The following PITPNA variants were observed in gnomAD, a reference collection of about 807,000 sequenced individuals.
PITPNA encodes the protein phosphatidylinositol transfer protein alpha, also known as phosphatidylinositol transfer protein alpha isoform.
In PITPNA, 13 loss-of-function variants were observed where a neutral mutation model predicts 50.3. The ratio of observed to expected loss-of-function variants is 0.26; its 90% CI spans 0.17 to 0.41. The LOEUF (loss-of-function observed/expected upper bound fraction) is 0.41. Among genes scored for constraint, PITPNA ranks in the 10% least tolerant of loss-of-function variants. The pLI is 1.00. For missense variants in PITPNA, 207 were observed against 333.4 expected (o/e 0.62, Z 2.95); for synonymous variants, 120 against 119.6 (o/e 1.00, Z -0.02).
chr17:1,533,249 G>T (rs1161116039), intron 10 of PITPNA, among the ~76,000 whole-genome samples: 2 of 152,120 alleles, frequency 1.3e-5, no homozygotes, highest in African/African-American at 4.8e-5. Flanking sequence ...TTAGAGGGAG[G>T]AGTACAGGGG....
At chr17:1,527,930 C>T (rs1314080379) in intron 10 of PITPNA, among the ~76,000 whole-genome samples, 2 of 152,192 alleles carry the variant, frequency 1.3e-5, no homozygotes, top group Non-Finnish European at 2.9e-5. Flanking sequence ...GCCTACAATC[C>T]CAACACTTCG....
At chr17:1,533,797 C>G (rs1283724407) in intron 10 of PITPNA, among the ~76,000 whole-genome samples, 1 of 152,198 alleles carries the variant, frequency 6.6e-6, no homozygotes, top group Non-Finnish European at 1.5e-5. Flanking sequence ...GCCCCGCACG[C>G]TCTTTCCCAC....
intron 7 of PITPNA, 50 bp from the exon 8 acceptor site, chr17:1,535,568 A>C (rs757051546): frequency 9.2e-7 from 1 of 1,086,612 alleles, no homozygotes; most frequent in East Asian, 2.4e-5. Flanking sequence ...AGAGGGAGTG[A>C]GAGATGGGGA....
chr17:1,548,295 C>T lies in PITPNA; in HGVS notation c.289+1G>A. 6.2e-7 allele frequency: 1 copy of T among 1,603,128 alleles called. No homozygotes were observed. Among genetic ancestry groups the T allele is most frequent in the Non-Finnish European group, 8.5e-7 (1 of 1,174,418 alleles). ...GCCGACGTGGCCCCGGCTGCACTCA[C>T]CGGTTCTGCAGTAGGGGTAAGCATT... On this transcript the variant is annotated splice_donor_variant, in intron 4 of 11. Coordinates refer to ENST00000313486, the MANE Select transcript of PITPNA (RefSeq NM_006224.4). LOFTEE classifies it high-confidence loss of function.
chr17:1,554,648 C>T (rs538995867), intron 2 of PITPNA, among the ~76,000 whole-genome samples: 5 of 152,210 alleles, frequency 3.3e-5, no homozygotes, highest in East Asian at 1.9e-4. Flanking sequence ...AGAGCTGCTT[C>T]GCCTCAAACT....
chr17:1,545,837 G>A (rs1027395357), intron 4 of PITPNA, among the ~76,000 whole-genome samples: 28 of 150,624 alleles, frequency 1.9e-4, no homozygotes, highest in Non-Finnish European at 3.7e-4. Context: ...TGCAACACAT[G>A]CTCACTGCGA....
intron 2 of PITPNA, among the ~76,000 whole-genome samples, chr17:1,553,977 C>A (rs1247708344): frequency 6.6e-6 from 1 of 152,206 alleles, no homozygotes. Context: ...TGTGTTGGCA[C>A]TTACTACATG....
In PITPNA at chr17:1,554,294, A is replaced by G. The variant is rs543139717; in HGVS notation, c.52-1145T>C. ...GAAAAAGGAAAAAAGCTATGGGATTACCCAACATGCTGGGGGGTGGAGGGG... is the reference window on the plus strand; with the variant it reads ...GAAAAAGGAAAAAAGCTATGGGATTGCCCAACATGCTGGGGGGTGGAGGGG... On this transcript the variant is annotated intron_variant, in intron 2 of 11. Coordinates refer to ENST00000313486, the MANE Select transcript of PITPNA (RefSeq NM_006224.4). Among the ~76,000 whole-genome samples the G allele has an allele frequency of 5.3e-5, 8 of 150,988 alleles. No individual in the cohort carries two copies. In the East Asian group the frequency reaches 1.6e-3, roughly 30 times the overall value.
chr17:1,553,558 A>G (rs186614553), intron 2 of PITPNA, among the ~76,000 whole-genome samples: 260 of 152,226 alleles, frequency 1.7e-3, no homozygotes, highest in African/African-American at 5.9e-3. Context: ...TCAGGATTTA[A>G]AGAGGCAGGT....
At chr17:1,561,369 C>A (rs2075767252) in intron 1 of PITPNA, 1 of 152,258 alleles carries the variant, frequency 6.6e-6, no homozygotes, top group African/African-American at 2.4e-5. Context: ...CTCAAGAGCT[C>A]CCCACCCCTT....
chr17:1,548,766 G>A (rs1166360838), intron 3 of PITPNA, among the ~76,000 whole-genome samples: 1 of 152,180 alleles, frequency 6.6e-6, no homozygotes, highest in Non-Finnish European at 1.5e-5. Context: ...CTCGGTTTAG[G>A]GCCAGGGTAA....
At chr17:1,534,330 G>A (rs1404621824) in intron 9 of PITPNA, 109 bp from the exon 10 acceptor site, 2 of 1,366,822 alleles carry the variant, frequency 1.5e-6, no homozygotes, top group African/African-American at 1.4e-5. Flanking sequence ...GGGACGGGCG[G>A]ACAGGAGGAG....
rs1393172092 is a variant in PITPNA, at chr17:1,528,763, C to G, written c.768+5336G>C. On this transcript the variant is annotated intron_variant, in intron 10 of 11. Transcript: ENST00000313486. ...TAAAAAAAAAAAAAAGAAAAGAAAA[C>G]AAAGCTACTTCCATAATTGGGGATG... is the stretch of plus-strand genomic sequence containing the variant. 3.3e-5 allele frequency among the ~76,000 whole-genome samples: 5 copies of G among 150,778 alleles called. No homozygotes were observed. In the South Asian group the frequency reaches 1.0e-3, roughly 32 times the overall value.
chr17:1,523,780 A>G (rs2075529176), intron 10 of PITPNA, among the ~76,000 whole-genome samples: 1 of 152,054 alleles, frequency 6.6e-6, no homozygotes, highest in Non-Finnish European at 1.5e-5. Context: ...AAGTGCTGGG[A>G]TTACAGGCGT....
intron 7 of PITPNA, 38 bp downstream of exon 7, chr17:1,538,831 C>A: frequency 1.5e-6 from 2 of 1,313,458 alleles, no homozygotes; most frequent in Non-Finnish European, 1.1e-6. Context: ...GTCATTTCTG[C>A]GTCTCGAAGG....
intron 11 of PITPNA, among the ~76,000 whole-genome samples, 166 bp from the exon 12 acceptor site, chr17:1,520,704 A>ACAG (rs1460161347): frequency 6.6e-6 from 1 of 152,202 alleles, no homozygotes; most frequent in Non-Finnish European, 1.5e-5. Context: ...AGCTGGCATC[A>ACAG]CAGCAGTCCG....
chr17:1,541,022 C>G (rs2075645645), intron 6 of PITPNA, among the ~76,000 whole-genome samples: 1 of 152,176 alleles, frequency 6.6e-6, no homozygotes, highest in South Asian at 2.1e-4. Context: ...CCTCGGCCTC[C>G]AGAGTGGCTG....
intron 10 of PITPNA, among the ~76,000 whole-genome samples, chr17:1,531,145 A>G (rs563399726): frequency 6.6e-6 from 1 of 152,288 alleles, no homozygotes; most frequent in South Asian, 2.1e-4. Flanking sequence ...AAGAGGCAGA[A>G]TACGACGGAA....
chr17:1,556,769 G>C (rs577251368), intron 2 of PITPNA, among the ~76,000 whole-genome samples: 93 of 152,192 alleles, frequency 6.1e-4, no homozygotes, highest in African/African-American at 2.1e-3. Flanking sequence ...TTTCCTGCTT[G>C]GCCTTCTGGT....
Sources: allele counts gnomAD v4.1 joint callset (sites outside exome capture counted in the v4.1 genomes callset), GRCh38; gene constraint gnomAD v4.1.1; transcripts MANE v1.5; gene names NCBI Gene and HGNC (gene_info 2026-07-23, HGNC 2026-07-21).